The following BAZ2B variants were observed in gnomAD, a reference collection of about 807,000 sequenced individuals.
BAZ2B encodes bromodomain adjacent to zinc finger domain protein 2B.
BAZ2B carries 91 observed loss-of-function variants against 246.0 expected under a neutral mutation model. The ratio of observed to expected loss-of-function variants is 0.37; its 90% CI spans 0.31 to 0.44. The LOEUF (loss-of-function observed/expected upper bound fraction) is 0.44. Among genes scored for constraint, BAZ2B ranks in the 20% least tolerant of loss-of-function variants. BAZ2B has a pLI of 1.00. For synonymous variants in BAZ2B, 855 were observed against 860.0 expected (o/e 0.99, Z 0.10); for missense variants, 2,332 against 2,533.7 (o/e 0.92, Z 1.71).
chr2:159,469,332 A>T lies in BAZ2B; in HGVS notation c.145+9243T>A, dbSNP rs936448911. Among the ~76,000 whole-genome samples, 3 of 152,314 alleles carry T rather than the reference A, an allele frequency of 2.0e-5. No homozygotes were observed. The East Asian group carries it at 5.8e-4, about 29-fold the overall frequency. On this transcript the variant is annotated intron_variant, in intron 3 of 36. Transcript: ENST00000392783. ...CAACTTTGGGCCCATACATTTAATGATGTAGACGAAATGAACGAATTCCTT... is the reference window on the plus strand; with the variant it reads ...CAACTTTGGGCCCATACATTTAATGTTGTAGACGAAATGAACGAATTCCTT...
chr2:159,476,963 C>T (rs1023350616), intron 3 of BAZ2B, among the ~76,000 whole-genome samples: 2 of 152,180 alleles, frequency 1.3e-5, no homozygotes, highest in Non-Finnish European at 2.9e-5. Flanking sequence ...TTGTTAATTA[C>T]TTGATGAAGA....
intron 13 of BAZ2B, among the ~76,000 whole-genome samples, chr2:159,423,779 T>C (rs1159430141): frequency 6.6e-6 from 1 of 152,180 alleles, no homozygotes; most frequent in Admixed American, 6.5e-5. Flanking sequence ...AAACTAAATA[T>C]CACATGTTCT....
At chr2:159,690,117 C>T in the BAZ2B span, 1 of 547,894 alleles carries the variant, frequency 1.8e-6, no homozygotes, top group Non-Finnish European at 3.0e-6. Flanking sequence ...GCAAGACTCA[C>T]TTCAAACACA....
At chr2:159,573,639 C>T (rs1045887219) in intron 1 of BAZ2B, among the ~76,000 whole-genome samples, 1 of 152,020 alleles carries the variant, frequency 6.6e-6, no homozygotes, top group African/African-American at 2.4e-5. Flanking sequence ...AAAGCACAAG[C>T]AATCAAAGGA....
chr2:159,597,538 T>A (rs958922873), intron 1 of BAZ2B, among the ~76,000 whole-genome samples: 2 of 151,846 alleles, frequency 1.3e-5, no homozygotes, highest in Non-Finnish European at 2.9e-5. Flanking sequence ...CTTTTTAAAA[T>A]TTTTTTTTGG....
chr2:159,665,762 T>C, the BAZ2B span, among the ~76,000 whole-genome samples: 5 of 151,968 alleles, frequency 3.3e-5, no homozygotes, highest in Non-Finnish European at 5.9e-5. Context: ...GAAGAAAACC[T>C]AGGCATTACC....
At chr2:159,499,830 G>T (rs1252805132) in intron 2 of BAZ2B, among the ~76,000 whole-genome samples, 1 of 152,152 alleles carries the variant, frequency 6.6e-6, no homozygotes, top group Non-Finnish European at 1.5e-5. Context: ...CTTTTGAGAA[G>T]TGTCTGTTCA....
At position 159,428,332 on chromosome 2, in the gene BAZ2B, C is replaced by T; in HGVS notation, c.2343G>A (p.Arg781=). 6.2e-7 allele frequency: 1 copy of T among 1,612,882 alleles called. No individual in the cohort carries two copies. The highest frequency in any genetic ancestry group is 8.5e-7 in the Non-Finnish European group (1 of 1,179,452). ...AYYAPCGKKL[R]QYPEVIKYLS... ...GTACCTTTATTACTTCAGGGTACTGCCTAAGTTTCTTTCCACATGGAGCAT... is the reference window on the plus strand; with the variant it reads ...GTACCTTTATTACTTCAGGGTACTGTCTAAGTTTCTTTCCACATGGAGCAT... Residue 781 remains arginine (R), a synonymous_variant, in exon 12 of 37, where the codon AGG becomes AGA. Transcript: ENST00000392783.
intron 2 of BAZ2B, among the ~76,000 whole-genome samples, chr2:159,490,823 G>C (rs2080373585): frequency 6.6e-6 from 1 of 152,124 alleles, no homozygotes; most frequent in African/African-American, 2.4e-5. Context: ...CTGTGCTTTG[G>C]TTAGCACATT....
chr2:159,338,950 G>A (rs899116944), intron 31 of BAZ2B, among the ~76,000 whole-genome samples: 3 of 151,894 alleles, frequency 2.0e-5, no homozygotes, highest in African/African-American at 7.3e-5. Flanking sequence ...TATATGACAA[G>A]CTTTCTTATG....
chr2:159,445,179 T>C (rs1029291937), intron 6 of BAZ2B, among the ~76,000 whole-genome samples: 16 of 152,162 alleles, frequency 1.1e-4, no homozygotes, highest in African/African-American at 3.9e-4. Context: ...GCAAGCTGCA[T>C]ACCCACCCTA....
intron 1 of BAZ2B, among the ~76,000 whole-genome samples, chr2:159,582,847 G>C (rs1173426396): frequency 6.6e-6 from 1 of 151,820 alleles, no homozygotes. Flanking sequence ...ATATACACTG[G>C]GAACACTTAA....
intron 2 of BAZ2B, among the ~76,000 whole-genome samples, chr2:159,545,022 C>A (rs190434872): frequency 3.3e-5 from 5 of 152,280 alleles, no homozygotes; most frequent in South Asian, 4.1e-4. Context: ...GCTATCATAA[C>A]AGAATCTGAA....
intron 2 of BAZ2B, among the ~76,000 whole-genome samples, chr2:159,484,893 CTT>C (rs1018221712): frequency 1.5e-4 from 23 of 151,896 alleles, no homozygotes; most frequent in African/African-American, 5.3e-4. Context: ...TAAAAATAGA[CTT>C]AGATATTTTT....
intron 27 of BAZ2B, among the ~76,000 whole-genome samples, chr2:159,368,779 C>T (rs1360038452): frequency 6.7e-6 from 1 of 148,428 alleles, no homozygotes; most frequent in Non-Finnish European, 1.5e-5. Flanking sequence ...AAATCAGTGT[C>T]CAGAGAGGTT....
chr2:159,340,067 T>C (rs949383098), intron 31 of BAZ2B, among the ~76,000 whole-genome samples: 3 of 151,780 alleles, frequency 2.0e-5, no homozygotes, highest in Non-Finnish European at 4.4e-5. Context: ...CAGAGACAGA[T>C]ATAAAAAAGA....
At chr2:159,587,133 C>CA (rs951410860) in intron 1 of BAZ2B, among the ~76,000 whole-genome samples, 134 of 151,174 alleles carry the variant, frequency 8.9e-4, no homozygotes, top group African/African-American at 3.2e-3. Flanking sequence ...GGCTGGAGTG[C>CA]AGTGGCGCAA....
the BAZ2B span, among the ~76,000 whole-genome samples, chr2:159,630,685 TA>T: frequency 6.6e-6 from 1 of 151,470 alleles, no homozygotes; most frequent in Non-Finnish European, 1.5e-5. Context: ...AGGCGCCCGC[TA>T]CCACGCCCGG....
intron 1 of BAZ2B, among the ~76,000 whole-genome samples, chr2:159,590,800 C>G (rs1689230935): frequency 6.6e-6 from 1 of 152,054 alleles, no homozygotes; most frequent in Admixed American, 6.5e-5. Context: ...AGTAGTTCTT[C>G]TATTTACAGT....
Sources: allele counts gnomAD v4.1 joint callset (sites outside exome capture counted in the v4.1 genomes callset), GRCh38; gene constraint gnomAD v4.1.1; transcripts MANE v1.5; gene names NCBI Gene and HGNC (gene_info 2026-07-23, HGNC 2026-07-21).